ELOVL2: variants seen among roughly 807,000 people sequenced by gnomAD.
The protein encoded by ELOVL2 is very long chain fatty acid elongase 2.
Under a neutral mutation model 37.7 loss-of-function variants are expected in ELOVL2, and 38 were observed. That is an observed-to-expected ratio of 1.01 (90% CI 0.78 to 1.32). ELOVL2 has a LOEUF of 1.32. ELOVL2 is among the 40% of genes most tolerant of loss of function. ELOVL2 has a pLI of 0.00. For missense variants in ELOVL2, 352 were observed against 363.6 expected (o/e 0.97, Z 0.26); for synonymous variants, 115 against 122.3 (o/e 0.94, Z 0.40).
intron 5 of ELOVL2, among the ~76,000 whole-genome samples, chr6:10,994,012 CA>C (rs767420973): frequency 0.12 from 12,522 of 106,034 alleles, 1,714 homozygotes; most frequent in African/African-American, 0.37. Context: ...CCAGCCCTAC[CA>C]AAAAAAAAAA....
chr6:10,985,778 G>T lies in ELOVL2; in HGVS notation c.766-1872C>A, dbSNP rs12111502. Among the ~76,000 whole-genome samples, 42 of 152,228 alleles carry T rather than the reference G, an allele frequency of 2.8e-4. 1 individual carries two copies. Among genetic ancestry groups the T allele is most frequent in the African/African-American group, 8.9e-4 (37 of 41,536 alleles). On this transcript the variant is annotated intron_variant, in intron 7 of 7. Coordinates refer to ENST00000354666, the MANE Select transcript of ELOVL2 (RefSeq NM_017770.4). ...TTGTAGTATAGTTTGAAGTCAGGTAGCGTGATGCCTCCAACTTTGTTCTTT... is the reference window on the plus strand; with the variant it reads ...TTGTAGTATAGTTTGAAGTCAGGTATCGTGATGCCTCCAACTTTGTTCTTT...
chr6:10,985,603 G>A (rs1782036764), intron 7 of ELOVL2, among the ~76,000 whole-genome samples: 1 of 151,792 alleles, frequency 6.6e-6, no homozygotes, highest in African/African-American at 2.4e-5. Flanking sequence ...ATTAAATAGG[G>A]AATCCTTTCC....
chr6:11,032,102 T>G (rs2113560420), intron 1 of ELOVL2, among the ~76,000 whole-genome samples: 1 of 152,312 alleles, frequency 6.6e-6, no homozygotes, highest in African/African-American at 2.4e-5. Flanking sequence ...AGGTTTCCAG[T>G]CGGCTACAGA....
intron 5 of ELOVL2, among the ~76,000 whole-genome samples, chr6:10,991,884 A>G (rs1782166460): frequency 6.6e-6 from 1 of 152,196 alleles, no homozygotes; most frequent in South Asian, 2.1e-4. Flanking sequence ...TTTCACTGTG[A>G]TACAGATTAA....
chr6:10,990,492 ATTC>A lies in ELOVL2; in HGVS notation c.506-53_506-51del, dbSNP rs752321508. The A allele has an allele frequency of 2.8e-5, 42 of 1,512,970 alleles. No homozygotes were observed. In the South Asian group the frequency reaches 2.9e-4, roughly 10 times the overall value. 93.7% of individuals were successfully genotyped at this position (1,512,970 alleles called of 1,614,324 possible). A position where few individuals can be genotyped will look rare whatever the true frequency, so the allele number is the denominator to read the frequency against. On this transcript the variant is annotated intron_variant, in intron 5 of 7. Transcript: ENST00000354666. ...ACTATTCTTCCAGGAAGGACTGTTC[ATTC>A]TTCTTTGTCAAGTGAGATTCTCTCT...
chr6:10,992,094 T>C (rs1433842354), intron 5 of ELOVL2, among the ~76,000 whole-genome samples: 1 of 152,204 alleles, frequency 6.6e-6, no homozygotes, highest in Non-Finnish European at 1.5e-5. Context: ...TAATATTGAT[T>C]ATAGTTGTCC....
chr6:11,019,631 T>C (rs1782734627), intron 1 of ELOVL2, among the ~76,000 whole-genome samples: 2 of 149,446 alleles, frequency 1.3e-5, no homozygotes, highest in East Asian at 1.9e-4. Context: ...CTGTTAACAG[T>C]GACTACTGCT....
At chr6:10,994,398 G>C (rs1782225514) in intron 5 of ELOVL2, among the ~76,000 whole-genome samples, 1 of 151,280 alleles carries the variant, frequency 6.6e-6, no homozygotes, top group Non-Finnish European at 1.5e-5. Flanking sequence ...AACCCAGGAG[G>C]TGGAGGTTGC....
At chr6:11,027,175 A>G (rs1186506968) in intron 1 of ELOVL2, among the ~76,000 whole-genome samples, 1 of 152,226 alleles carries the variant, frequency 6.6e-6, no homozygotes, top group Non-Finnish European at 1.5e-5. Flanking sequence ...TGTTTTATGA[A>G]AAATAACTTT....
At position 11,011,210 on chromosome 6, in the gene ELOVL2, A is replaced by G. The variant is rs146495709; in HGVS notation, c.4-401T>C. On this transcript the variant is annotated intron_variant, in intron 1 of 7. Coordinates refer to ENST00000354666, the MANE Select transcript of ELOVL2 (RefSeq NM_017770.4). ...AAACCCCATCTCTACTAAAAATACA[A>G]AAAAAATTAGCCAGGCATGGTGGCA... 7.8e-3 allele frequency among the ~76,000 whole-genome samples: 1,190 copies of G among 151,922 alleles called. 23 individuals are homozygous for G. Among genetic ancestry groups the G allele is most frequent in the African/African-American group, 0.027 (1,138 of 41,440 alleles).
At chr6:10,986,553 CA>C (rs2113464690) in intron 7 of ELOVL2, among the ~76,000 whole-genome samples, 1 of 152,230 alleles carries the variant, frequency 6.6e-6, no homozygotes, top group African/African-American at 2.4e-5. Flanking sequence ...GAGTTTTTAG[CA>C]TGAAGGGTTG....
chr6:10,986,743 C>T (rs566724727), intron 7 of ELOVL2, among the ~76,000 whole-genome samples: 1,904 of 152,130 alleles, frequency 0.013, 11 homozygotes, highest in Middle Eastern at 0.024. Context: ...CTGCTGGATT[C>T]GGTTTGCCAG....
At chr6:11,018,129 C>T (rs1237324989) in intron 1 of ELOVL2, among the ~76,000 whole-genome samples, 2 of 151,926 alleles carry the variant, frequency 1.3e-5, no homozygotes, top group Non-Finnish European at 2.9e-5. Context: ...AAAAAAATTG[C>T]CTATATATTT....
chr6:11,018,839 A>G (rs1161546053), intron 1 of ELOVL2, among the ~76,000 whole-genome samples: 1 of 152,210 alleles, frequency 6.6e-6, no homozygotes, highest in African/African-American at 2.4e-5. Context: ...ATGAAATTCA[A>G]ACTTGTTTAT....
chr6:11,000,840 G>C (rs1196148303), intron 3 of ELOVL2, among the ~76,000 whole-genome samples: 4 of 152,198 alleles, frequency 2.6e-5, no homozygotes, highest in African/African-American at 9.6e-5. Flanking sequence ...ATGAGTGTAT[G>C]ATTTGCTCAA....
rs1415152251 is a variant in ELOVL2 at position 10,994,340 on chromosome 6, C to T, written c.505+667G>A. Among the ~76,000 whole-genome samples, 8 of 151,200 alleles carry T rather than the reference C, an allele frequency of 5.3e-5. No individual in the cohort carries two copies. In the East Asian group the frequency reaches 7.8e-4, roughly 15 times the overall value. On this transcript the variant is annotated intron_variant, in intron 5 of 7. Transcript: ENST00000354666. ...AAAATTAGCTGGGCGTGGTGGTGGG[C>T]GCCTGTAATCCCAGCTACTCAGGAG... is the stretch of plus-strand genomic sequence containing the variant.
At chr6:11,005,598 A>T in intron 2 of ELOVL2, 39 bp from the exon 3 acceptor site, 1 of 1,560,906 alleles carries the variant, frequency 6.4e-7, no homozygotes, top group Non-Finnish European at 8.8e-7. Context: ...CTGAGGAATG[A>T]TGCTCCTGTT....
At chr6:11,042,394 G>C (rs1172257575) in intron 1 of ELOVL2, among the ~76,000 whole-genome samples, 1 of 142,298 alleles carries the variant, frequency 7.0e-6, no homozygotes, top group African/African-American at 2.4e-5. Flanking sequence ...CAGTTTCTGA[G>C]AAATACTTAT....
At chr6:11,010,957 A>C in intron 1 of ELOVL2, 148 bp from the exon 2 acceptor site, 1 of 628,966 alleles carries the variant, frequency 1.6e-6, no homozygotes, top group Non-Finnish European at 2.8e-6. Flanking sequence ...TTAAGGAAAG[A>C]GGACAGTAAA....
Sources: gnomAD v4.1 joint callset for allele counts (sites outside exome capture counted in the v4.1 genomes callset) on GRCh38, gnomAD v4.1.1 for gene constraint, MANE v1.5 for transcripts, NCBI Gene and HGNC (gene_info 2026-07-23, HGNC 2026-07-21) for gene names.